Variants in SPAG16 observed in about 807,000 individuals in gnomAD.
SPAG16 encodes sperm-associated antigen 16 protein.
In SPAG16, 86 loss-of-function variants were observed where a neutral mutation model predicts 80.4. That is an observed-to-expected ratio of 1.07 (90% CI 0.90 to 1.28). The LOEUF is 1.28. SPAG16 is among the 50% of genes most tolerant of loss of function. The pLI, the probability that SPAG16 is intolerant of heterozygous loss-of-function variation, is 0.00. For synonymous variants in SPAG16, 294 were observed against 265.9 expected (o/e 1.11, Z -1.03); for missense variants, 870 against 765.3 (o/e 1.14, Z -1.61).
At chr2:214,264,741 C>T (rs945198996) in intron 15 of SPAG16, among the ~76,000 whole-genome samples, 1 of 152,088 alleles carries the variant, frequency 6.6e-6, no homozygotes, top group Non-Finnish European at 1.5e-5. Flanking sequence ...AATAGTTTTA[C>T]TGCCCTAAAA....
At chr2:214,227,467 G>A (rs966412353) in intron 15 of SPAG16, among the ~76,000 whole-genome samples, 2 of 151,872 alleles carry the variant, frequency 1.3e-5, no homozygotes, top group African/African-American at 2.4e-5. Flanking sequence ...TTGATTCAAC[G>A]CTTTTGCCAG....
intron 15 of SPAG16, among the ~76,000 whole-genome samples, chr2:214,153,443 G>A (rs1476088780): frequency 6.6e-6 from 1 of 152,084 alleles, no homozygotes; most frequent in Non-Finnish European, 1.5e-5. Context: ...TCTATATCTG[G>A]TATAACTATT....
chr2:213,831,086 T>C (rs964831175), intron 10 of SPAG16, among the ~76,000 whole-genome samples: 8 of 146,446 alleles, frequency 5.5e-5, no homozygotes, highest in Middle Eastern at 7.1e-3. Context: ...GTCCCCCAGG[T>C]TGGAGTGCAG....
chr2:213,950,300 C>T (rs188081599), intron 12 of SPAG16, among the ~76,000 whole-genome samples: 46 of 152,032 alleles, frequency 3.0e-4, no homozygotes, highest in African/African-American at 1.0e-3. Flanking sequence ...TTAAGAAAAA[C>T]GAGATTTGGA....
chr2:214,333,091 A>G (rs957940713), intron 15 of SPAG16, among the ~76,000 whole-genome samples: 1 of 152,210 alleles, frequency 6.6e-6, no homozygotes, highest in Non-Finnish European at 1.5e-5. Context: ...CAAGTGAATG[A>G]CTACTGTATA....
chr2:213,969,066 G>A (rs924746475), intron 12 of SPAG16, among the ~76,000 whole-genome samples: 7 of 152,136 alleles, frequency 4.6e-5, no homozygotes. Flanking sequence ...GATTTAAAAA[G>A]GGAAGAAAAA....
chr2:213,808,039 G>A (rs1242989609), intron 10 of SPAG16, among the ~76,000 whole-genome samples: 1 of 150,832 alleles, frequency 6.6e-6, no homozygotes, highest in Non-Finnish European at 1.5e-5. Flanking sequence ...AACACGGAAA[G>A]AATGAGACAC....
intron 10 of SPAG16, among the ~76,000 whole-genome samples, chr2:213,626,317 T>A (rs1486534419): frequency 6.6e-6 from 1 of 152,008 alleles, no homozygotes; most frequent in South Asian, 2.1e-4. Flanking sequence ...GGAAAAGATA[T>A]GAGTTCCAAG....
At chr2:214,403,525 A>G (rs1405775026) in intron 15 of SPAG16, among the ~76,000 whole-genome samples, 1 of 152,192 alleles carries the variant, frequency 6.6e-6, no homozygotes, top group South Asian at 2.1e-4. Flanking sequence ...ATTACAGCAC[A>G]TTCCAATTTG....
At chr2:214,196,352 A>G (rs550248613) in intron 15 of SPAG16, among the ~76,000 whole-genome samples, 6 of 152,196 alleles carry the variant, frequency 3.9e-5, no homozygotes, top group African/African-American at 1.4e-4. Context: ...TCTCTTCTGC[A>G]TCCAGAGGAA....
chr2:213,884,722 T>C (rs2076488162), intron 11 of SPAG16, among the ~76,000 whole-genome samples: 1 of 152,218 alleles, frequency 6.6e-6, no homozygotes, highest in South Asian at 2.1e-4. Context: ...TCTTACTGTG[T>C]TGATTTGAAA....
intron 13 of SPAG16, among the ~76,000 whole-genome samples, chr2:214,032,933 A>G (rs535083664): frequency 3.3e-5 from 5 of 152,326 alleles, no homozygotes; most frequent in Admixed American, 3.3e-4. Context: ...TATGTTATAC[A>G]AAGAATCAGA....
At chr2:213,607,050 T>C (rs1382243747) in intron 10 of SPAG16, among the ~76,000 whole-genome samples, 1 of 152,184 alleles carries the variant, frequency 6.6e-6, no homozygotes, top group Non-Finnish European at 1.5e-5. Flanking sequence ...ATCAGAAAGA[T>C]GATATGTTTG....
chr2:213,833,300 G>C (rs2125723391), intron 10 of SPAG16, among the ~76,000 whole-genome samples: 1 of 145,666 alleles, frequency 6.9e-6, no homozygotes, highest in Non-Finnish European at 1.5e-5. Flanking sequence ...AGATCCACCA[G>C]ACTGTTTCCT....
chr2:214,410,320 C>A lies in SPAG16; in HGVS notation c.*5C>A. The A allele has an allele frequency of 1.3e-6, 2 of 1,586,540 alleles. No individual in the cohort carries two copies. Among genetic ancestry groups the A allele is most frequent in the Non-Finnish European group, 1.7e-6 (2 of 1,158,426 alleles). ...ACAGTTCGAACGTGGTCTTGACCGT[C>A]AGCACATCCCGCTGCAGAGGGCATT... On this transcript the variant is annotated 3_prime_UTR_variant, in exon 16 of 16. Coordinates refer to ENST00000331683, the MANE Select transcript of SPAG16 (RefSeq NM_024532.5).
chr2:213,353,826 G>T (rs904394156), intron 7 of SPAG16, among the ~76,000 whole-genome samples: 1 of 152,050 alleles, frequency 6.6e-6, no homozygotes, highest in Admixed American at 6.6e-5. Context: ...TTGCACAGGG[G>T]AATTTTTAAT....
In SPAG16 at chr2:213,862,573, C is replaced by T. The variant is rs771897940; in HGVS notation, c.1159C>T (p.Leu387Phe). 2.0e-5 allele frequency: 32 copies of T among 1,614,034 alleles called. No individual in the cohort carries two copies. Among genetic ancestry groups the T allele is most frequent in the Non-Finnish European group, 2.5e-5 (30 of 1,180,024 alleles). ...KVLGLPKCNV[L>F]LTGFGHTDWL... ...GTTGGGCCTTCCAAAATGCAATGTGCTTCTCACGGGATTTGGCCACACTGA... is the reference window on the plus strand; with the variant it reads ...GTTGGGCCTTCCAAAATGCAATGTGTTTCTCACGGGATTTGGCCACACTGA... The change falls in exon 11 of 16, where the codon CTT becomes TTT. Residue 387 changes from leucine to phenylalanine, a missense_variant. By Grantham distance (22) the Leu-to-Phe change is conservative. Coordinates refer to ENST00000331683, the MANE Select transcript of SPAG16 (RefSeq NM_024532.5).
intron 10 of SPAG16, among the ~76,000 whole-genome samples, chr2:213,545,197 T>C (rs944209239): frequency 2.0e-5 from 3 of 152,190 alleles, no homozygotes; most frequent in Non-Finnish European, 4.4e-5. Context: ...GTGGTTTTAA[T>C]TTGCATTTTT....
chr2:214,058,642 C>T (rs371098602), intron 13 of SPAG16, among the ~76,000 whole-genome samples: 2 of 152,040 alleles, frequency 1.3e-5, no homozygotes, highest in South Asian at 2.1e-4. Context: ...TGCCACAAAC[C>T]TCCAATTTGT....
Sources: gnomAD v4.1 joint callset for allele counts (sites outside exome capture counted in the v4.1 genomes callset) on GRCh38, gnomAD v4.1.1 for gene constraint, MANE v1.5 for transcripts, NCBI Gene and HGNC (gene_info 2026-07-23, HGNC 2026-07-21) for gene names.